MAPK8: variants seen among roughly 807,000 people sequenced by gnomAD.
MAPK8 encodes mitogen-activated protein kinase 8.
A neutral mutation model predicts 52.9 loss-of-function variants in MAPK8; 13 were observed. That is an observed-to-expected ratio of 0.25 (90% CI 0.16 to 0.39). The LOEUF is 0.39. MAPK8 is among the 10% of genes least tolerant of loss of function. MAPK8 has a pLI of 1.00. For synonymous variants in MAPK8, 191 were observed against 169.8 expected, an observed-to-expected ratio of 1.12 and a Z score of -0.97; for missense variants, 300 against 519.2, an observed-to-expected ratio of 0.58 and a Z score of 4.10.
At chr10:48,312,427 T>C (rs1165595996) in intron 1 of MAPK8, among the ~76,000 whole-genome samples, 2 of 152,204 alleles carry the variant, frequency 1.3e-5, no homozygotes, top group African/African-American at 4.8e-5. Context: ...TATTGAGAAG[T>C]ATAGTCCTCC....
rs769873305 is a variant in MAPK8, at chr10:48,411,815, TC to T, written c.450+1653del. On this transcript the variant is annotated intron_variant, in intron 5 of 11. Coordinates refer to ENST00000374189, the MANE Select transcript of MAPK8 (RefSeq NM_001323329.2). ...CTTTCTTTTCTCTCCTTCCCTCCCT[TC>T]CCCCCTCCCTTCCCCTTCCTTCCTT... Among the ~76,000 whole-genome samples, 14 of 122,248 alleles carry T rather than the reference TC, an allele frequency of 1.1e-4. 1 individual carries two copies. The East Asian group carries it at 2.8e-3, about 24-fold the overall frequency. The allele number at this position is 122,248 out of a possible 152,430, so 80.2% of individuals were successfully genotyped here.
Position 48,397,939 on chromosome 10 carries a change from T to G in MAPK8, c.-49-3673T>G, listed in dbSNP as rs972523165. Among the ~76,000 whole-genome samples, 6 of 152,300 alleles carry G rather than the reference T, an allele frequency of 3.9e-5. 1 individual carries two copies. Among genetic ancestry groups the G allele is most frequent in the Admixed American group, 3.9e-4 (6 of 15,294 alleles). On this transcript the variant is annotated intron_variant, in intron 1 of 11. Transcript: ENST00000374189. Reference sequence around the variant, plus strand: ...TAGTGGAGGTTATACTAATATAAAGTATGTGATAAATTTGTATAGAACTAT... The same window carrying G: ...TAGTGGAGGTTATACTAATATAAAGGATGTGATAAATTTGTATAGAACTAT...
At chr10:48,420,042 G>GA in intron 5 of MAPK8, 113 bp from the exon 6 acceptor site, 1 of 790,446 alleles carries the variant, frequency 1.3e-6, no homozygotes, top group Non-Finnish European at 2.0e-6. Flanking sequence ...ATTACAGTGA[G>GA]AAAAACGAAC....
chr10:48,352,201 T>C (rs543365869), intron 1 of MAPK8, among the ~76,000 whole-genome samples: 2 of 152,158 alleles, frequency 1.3e-5, no homozygotes, highest in African/African-American at 2.4e-5. Context: ...AGCAAAGGCT[T>C]AAAGAAGAAT....
chr10:48,353,954 T>G (rs753726873), intron 1 of MAPK8, among the ~76,000 whole-genome samples: 2 of 152,200 alleles, frequency 1.3e-5, no homozygotes, highest in Non-Finnish European at 2.9e-5. Flanking sequence ...GTATCTTGAT[T>G]GTGATTGGTG....
intron 2 of MAPK8, among the ~76,000 whole-genome samples, chr10:48,402,082 C>T (rs1367590652): frequency 6.6e-6 from 1 of 152,122 alleles, no homozygotes; most frequent in Non-Finnish European, 1.5e-5. Context: ...CTTCAGTGAA[C>T]ATTTCCTTTG....
rs148411903 is a variant in MAPK8, at chr10:48,363,649, A to G, written c.-49-37963A>G. Among the ~76,000 whole-genome samples, 1,076 of 152,312 alleles carry G rather than the reference A, an allele frequency of 7.1e-3. 11 individuals are homozygous for G. Among genetic ancestry groups the G allele is most frequent in the African/African-American group, 0.025 (1,033 of 41,560 alleles). ...ATATTTGTTACTGTTTTCATAGGGA[A>G]TTGAGCAGTAGGACGTTTTTCTTAC... On this transcript the variant is annotated intron_variant, in intron 1 of 11. Transcript: ENST00000374189.
intron 1 of MAPK8, among the ~76,000 whole-genome samples, chr10:48,336,693 C>A (rs1216706583): frequency 6.6e-6 from 1 of 151,836 alleles, no homozygotes; most frequent in Non-Finnish European, 1.5e-5. Context: ...TTGTGATAAC[C>A]CTGTGGGTTG....
At chr10:48,329,425 G>C (rs945691525) in intron 1 of MAPK8, among the ~76,000 whole-genome samples, 18 of 152,026 alleles carry the variant, frequency 1.2e-4, no homozygotes, top group Non-Finnish European at 8.8e-5. Context: ...GTATTGCTTT[G>C]AGTTAGTTGG....
intron 1 of MAPK8, among the ~76,000 whole-genome samples, chr10:48,370,444 A>C (rs2590381): frequency 0.54 from 82,072 of 151,880 alleles, 22,390 homozygotes; most frequent in Middle Eastern, 0.73. Flanking sequence ...AGGTTGGTAC[A>C]TTGAGAGTAA....
Position 48,409,879 on chromosome 10 carries a change from A to G in MAPK8, c.253A>G (p.Ile85Val), listed in dbSNP as rs1029787979. Reference sequence around the variant, plus strand: ...TTCTGTCTCTCGACTTTTATTATAGATAATTGGCCTTTTGAATGTTTTCAC... The same window carrying G: ...TTCTGTCTCTCGACTTTTATTATAGGTAATTGGCCTTTTGAATGTTTTCAC... ...VLMKCVNHKN[I>V]IGLLNVFTPQ... Residue 85 changes from isoleucine (I) to valine (V), a missense_variant and splice_region_variant, in exon 4 of 12, where the codon ATA (isoleucine) becomes GTA (valine). This residue lies in a region of MAPK8 where 147 missense variants were observed against 328.1 expected (regional missense o/e 0.45). Transcript: ENST00000374189. 2 of 1,600,860 alleles carry G rather than the reference A, an allele frequency of 1.2e-6. No individual in the cohort carries two copies. Among genetic ancestry groups the G allele is most frequent in the Non-Finnish European group, 1.7e-6 (2 of 1,169,802 alleles).
chr10:48,315,817 T>A (rs1479932943), intron 1 of MAPK8, among the ~76,000 whole-genome samples: 1 of 151,968 alleles, frequency 6.6e-6, no homozygotes, highest in East Asian at 1.9e-4. Flanking sequence ...GATTTTTACC[T>A]CCTCCCTCCC....
intron 1 of MAPK8, among the ~76,000 whole-genome samples, chr10:48,387,689 A>G (rs1055016682): frequency 1.1e-4 from 16 of 152,220 alleles, no homozygotes; most frequent in African/African-American, 3.6e-4. Flanking sequence ...ATGCCCTTGC[A>G]GATGAGAATC....
chr10:48,423,144 C>G (rs1415327649), intron 6 of MAPK8, among the ~76,000 whole-genome samples: 1 of 152,140 alleles, frequency 6.6e-6, no homozygotes, highest in Non-Finnish European at 1.5e-5. Flanking sequence ...CATAAAATGC[C>G]ACGATGTGTT....
intron 5 of MAPK8, among the ~76,000 whole-genome samples, chr10:48,412,504 C>T (rs1319370835): frequency 6.6e-6 from 1 of 152,052 alleles, no homozygotes; most frequent in Non-Finnish European, 1.5e-5. Flanking sequence ...TTTTCTCTTT[C>T]TTCTCCTTTT....
intron 1 of MAPK8, among the ~76,000 whole-genome samples, chr10:48,343,231 A>C (rs911501138): frequency 6.6e-6 from 1 of 152,304 alleles, no homozygotes; most frequent in East Asian, 1.9e-4. Context: ...TGCTCTCTCC[A>C]GAGTCTCCAG....
intron 1 of MAPK8, among the ~76,000 whole-genome samples, chr10:48,317,993 C>A (rs986374780): frequency 4.4e-5 from 6 of 136,856 alleles, no homozygotes; most frequent in Non-Finnish European, 3.1e-5. Context: ...CAGATTAAGG[C>A]AGGTAGTTGA....
At chr10:48,355,795 TA>T (rs1341804419) in intron 1 of MAPK8, among the ~76,000 whole-genome samples, 3 of 152,128 alleles carry the variant, frequency 2.0e-5, no homozygotes, top group African/African-American at 7.2e-5. Flanking sequence ...GGTGGTTAAA[TA>T]AATAAATCCT....
intron 1 of MAPK8, among the ~76,000 whole-genome samples, chr10:48,338,612 A>G (rs530123271): frequency 1.1e-4 from 17 of 152,142 alleles, no homozygotes; most frequent in Non-Finnish European, 2.2e-4. Flanking sequence ...AAGATGTCCA[A>G]ATAGGCAAAG....
Sources: allele counts gnomAD v4.1 joint callset (sites outside exome capture counted in the v4.1 genomes callset), GRCh38; gene constraint gnomAD v4.1.1; regional missense constraint gnomAD v4.1.1; transcripts MANE v1.5; gene names NCBI Gene and HGNC (gene_info 2026-07-23, HGNC 2026-07-21).